The following SYTL2 variants were observed in gnomAD, a reference collection of about 807,000 sequenced individuals.
The protein encoded by SYTL2 is synaptotagmin like 2, also known as synaptotagmin-like protein 2.
SYTL2 carries 165 observed loss-of-function variants against 198.7 expected under a neutral mutation model. The observed-to-expected ratio is 0.83, with a 90% CI of 0.73 to 0.94. SYTL2 has a LOEUF of 0.94. Ranked by LOEUF, SYTL2 falls within the 40% of genes least tolerant of loss-of-function variation. The probability of loss-of-function intolerance (pLI) is 0.00; values close to 1 mark genes in which losing one functional copy is unlikely to be tolerated. For synonymous variants in SYTL2, 966 were observed against 917.7 expected (o/e 1.05, Z -0.95); for missense variants, 2,835 against 2,582.8 (o/e 1.10, Z -2.12).
chr11:85,757,791 A>G lies in SYTL2; in HGVS notation c.-66T>C. On this transcript the variant is annotated 5_prime_UTR_variant, in exon 2 of 20. Coordinates refer to ENST00000359152, the MANE Select transcript of SYTL2 (RefSeq NM_206927.4). ...TCAAAATTCTCAGGGCTGAACAACT[A>G]AGACTGCAACCAGGAAGATTAAAAC... 1 of 1,593,214 alleles carries G rather than the reference A, an allele frequency of 6.3e-7. No individual in the cohort carries two copies. The highest frequency in any genetic ancestry group is 8.5e-7 in the Non-Finnish European group (1 of 1,172,842).
the SYTL2 span, among the ~76,000 whole-genome samples, chr11:85,823,887 C>T: frequency 6.6e-6 from 1 of 152,236 alleles, no homozygotes; most frequent in African/African-American, 2.4e-5. Context: ...GTGCTGACTA[C>T]AGGATGCTGT....
intron 1 of SYTL2, among the ~76,000 whole-genome samples, chr11:85,797,440 C>T (rs913000924): frequency 4.0e-5 from 6 of 151,792 alleles, no homozygotes; most frequent in African/African-American, 1.5e-4. Context: ...CCAGCCTGGC[C>T]AACATGGTGA....
the SYTL2 span, among the ~76,000 whole-genome samples, chr11:85,846,009 C>T: frequency 5.3e-5 from 8 of 152,330 alleles, no homozygotes; most frequent in East Asian, 1.3e-3. Flanking sequence ...GGTGATCTCT[C>T]GCTCCTGTGG....
chr11:85,748,565 G>A, intron 2 of SYTL2, 142 bp from the exon 3 acceptor site: 1 of 885,526 alleles, frequency 1.1e-6, no homozygotes, highest in Non-Finnish European at 1.7e-6. Flanking sequence ...CTTCCCAGAT[G>A]ACTAACAAGT....
intron 1 of SYTL2, among the ~76,000 whole-genome samples, chr11:85,758,797 A>AT (rs1486523830): frequency 6.6e-6 from 1 of 152,184 alleles, no homozygotes; most frequent in Non-Finnish European, 1.5e-5. Context: ...CAAGAATCCT[A>AT]TTTTCTTTGA....
chr11:85,823,386 T>C, the SYTL2 span, among the ~76,000 whole-genome samples: 1,938 of 152,350 alleles, frequency 0.013, 17 homozygotes, highest in Middle Eastern at 0.031. Context: ...TTTAGTAGTC[T>C]AGCAGCTGCC....
chr11:85,751,070 T>G (rs958995948), intron 2 of SYTL2, among the ~76,000 whole-genome samples: 1 of 152,180 alleles, frequency 6.6e-6, no homozygotes, highest in Non-Finnish European at 1.5e-5. Context: ...ATCGACTCCC[T>G]GAAACACATG....
chr11:85,760,549 C>A (rs2092068746), intron 1 of SYTL2, among the ~76,000 whole-genome samples: 1 of 152,106 alleles, frequency 6.6e-6, no homozygotes, highest in Non-Finnish European at 1.5e-5. Context: ...CAAAAGCTGG[C>A]AAGAAAATAG....
At chr11:85,703,946 T>C (rs984506977) in intron 16 of SYTL2, among the ~76,000 whole-genome samples, 2 of 152,020 alleles carry the variant, frequency 1.3e-5, no homozygotes, top group African/African-American at 4.8e-5. Flanking sequence ...AAATAAACTA[T>C]GACTGACATA....
At chr11:85,739,355 A>C (rs1389224270) in intron 4 of SYTL2, among the ~76,000 whole-genome samples, 1 of 151,992 alleles carries the variant, frequency 6.6e-6, no homozygotes, top group Non-Finnish European at 1.5e-5. Context: ...TTCGGAAAGA[A>C]AAAGAGAGGA....
intron 1 of SYTL2, among the ~76,000 whole-genome samples, chr11:85,780,424 C>T (rs1232002705): frequency 6.6e-6 from 1 of 152,150 alleles, no homozygotes; most frequent in Non-Finnish European, 1.5e-5. Flanking sequence ...ACAATAAAGA[C>T]TAAAGCATGA....
At chr11:85,821,818 T>A in the SYTL2 span, among the ~76,000 whole-genome samples, 1 of 152,176 alleles carries the variant, frequency 6.6e-6, no homozygotes, top group Non-Finnish European at 1.5e-5. Context: ...GTGGCAGAGA[T>A]GAATGAGCCA....
intron 1 of SYTL2, among the ~76,000 whole-genome samples, chr11:85,784,928 T>C (rs1389954342): frequency 6.6e-6 from 1 of 152,130 alleles, no homozygotes; most frequent in Non-Finnish European, 1.5e-5. Flanking sequence ...CACTAGTTAC[T>C]CACACCACAG....
rs546035004 is a variant in SYTL2, at chr11:85,768,461, A to G, written c.-389-10347T>C. ...GGGCAGCAAAACAGATCTACCTTAC[A>G]GGGTTACCATGAGGATGACATTATG... On this transcript the variant is annotated intron_variant, in intron 1 of 19. Coordinates refer to ENST00000359152, the MANE Select transcript of SYTL2 (RefSeq NM_206927.4). Among the ~76,000 whole-genome samples, 20 of 152,298 alleles carry G rather than the reference A, an allele frequency of 1.3e-4. No individual in the cohort carries two copies. In the East Asian group the frequency reaches 2.1e-3, roughly 16 times the overall value.
At chr11:85,850,519 G>A in the SYTL2 span, among the ~76,000 whole-genome samples, 1 of 151,450 alleles carries the variant, frequency 6.6e-6, no homozygotes, top group East Asian at 1.9e-4. Context: ...TAAAAAGTCA[G>A]GAAACAACAG....
At position 85,725,453 on chromosome 11, in the gene SYTL2, G is replaced by A; in HGVS notation, c.3905C>T (p.Ala1302Val). The A allele has an allele frequency of 1.9e-6, 3 of 1,614,102 alleles. No individual in the cohort carries two copies. Among genetic ancestry groups the A allele is most frequent in the Non-Finnish European group, 2.5e-6 (3 of 1,180,004 alleles). ...ATCCAATGGATGAGAATCTTCTGCA[G>A]CCATCTGAATCAAATTCTGTGTGCT... The part of the protein sequence containing the change: ...QLSTQNLIQM[A>V]AEDSHPLDPT... Residue 1302 changes from alanine to valine, a missense_variant, in exon 8 of 20, where the codon GCT becomes GTT. Ala to Val is a moderately conservative substitution (Grantham distance 64, BLOSUM62 0). Coordinates refer to ENST00000359152, the MANE Select transcript of SYTL2 (RefSeq NM_206927.4).
At chr11:85,851,567 C>G in the SYTL2 span, among the ~76,000 whole-genome samples, 1 of 152,202 alleles carries the variant, frequency 6.6e-6, no homozygotes, top group South Asian at 2.1e-4. Flanking sequence ...GCAAGGCTAA[C>G]AGAAAATCAA....
chr11:85,844,211 G>T, the SYTL2 span, among the ~76,000 whole-genome samples: 1 of 152,144 alleles, frequency 6.6e-6, no homozygotes, highest in African/African-American at 2.4e-5. Context: ...GCCTTTTGTA[G>T]ACATTTCATT....
chr11:85,727,960 C>T lies in SYTL2; in HGVS notation c.1398G>A (p.Leu466=), dbSNP rs749588000. 2.8e-5 allele frequency: 45 copies of T among 1,587,996 alleles called. 1 individual carries two copies. In the South Asian group the frequency reaches 3.6e-4, roughly 13 times the overall value. The stretch of plus-strand genomic sequence containing the variant: ...ATGGCTCAGGCTCAACACAATGAGA[C>T]AGTTCATCTGCAACATAGAAATACT... The part of the protein sequence containing the change: ...SVLPRSPADE[L]SHCVEPEPSQ... Residue 466 remains leucine (L), a synonymous_variant, in exon 8 of 20, where the codon CTG becomes CTA. Coordinates refer to ENST00000359152, the MANE Select transcript of SYTL2 (RefSeq NM_206927.4).
Sources: allele counts gnomAD v4.1 joint callset (sites outside exome capture counted in the v4.1 genomes callset), GRCh38; gene constraint gnomAD v4.1.1; transcripts MANE v1.5; gene names NCBI Gene and HGNC (gene_info 2026-07-23, HGNC 2026-07-21).